RAB3B: variants seen among roughly 807,000 people sequenced by gnomAD.
RAB3B encodes the protein ras-related protein Rab-3B.
RAB3B carries 11 observed loss-of-function variants against 20.5 expected under a neutral mutation model. The observed-to-expected ratio is 0.54, with a 90% confidence interval of 0.34 to 0.89. RAB3B has a LOEUF of 0.89. Ranked by LOEUF, RAB3B falls within the 40% of genes least tolerant of loss-of-function variation. The pLI is 0.02. For synonymous variants in RAB3B, 99 were observed against 106.3 expected, an observed-to-expected ratio of 0.93 and a Z score of 0.42; for missense variants, 225 against 280.9, an observed-to-expected ratio of 0.80 and a Z score of 1.42.
chr1:51,989,253 TG>T (rs1171089072), intron 1 of RAB3B, among the ~76,000 whole-genome samples: 2 of 149,996 alleles, frequency 1.3e-5, no homozygotes, highest in African/African-American at 2.5e-5. Context: ...TGTGTGTGTG[TG>T]TGTTTTGAGG....
At chr1:51,921,926 TATA>T (rs1002436561) in intron 4 of RAB3B, among the ~76,000 whole-genome samples, 8 of 152,148 alleles carry the variant, frequency 5.3e-5, no homozygotes, top group African/African-American at 1.9e-4. Flanking sequence ...GCCCCCCAGG[TATA>T]AACAAGGCCT....
intron 3 of RAB3B, among the ~76,000 whole-genome samples, chr1:51,935,511 C>T (rs936493448): frequency 6.6e-6 from 1 of 152,222 alleles, no homozygotes; most frequent in Non-Finnish European, 1.5e-5. Context: ...TCCCATGCTA[C>T]TCTTTCTTTC....
chr1:51,949,895 T>G (rs544442608), intron 2 of RAB3B, among the ~76,000 whole-genome samples: 1 of 152,056 alleles, frequency 6.6e-6, no homozygotes, highest in African/African-American at 2.4e-5. Flanking sequence ...GGTCCTAAGC[T>G]CTTGTCCCAC....
chr1:51,929,515 T>C (rs916229617), intron 4 of RAB3B, among the ~76,000 whole-genome samples: 1 of 152,136 alleles, frequency 6.6e-6, no homozygotes, highest in South Asian at 2.1e-4. Flanking sequence ...GGTTTCACCA[T>C]GTTGACCAGG....
rs777397401 is a variant in RAB3B, at chr1:51,948,688, T to C, written c.229-11276A>G. ...TCAGAGCTCAGCTCAGCAAAGAAGCTGACCATCCTGGAAAAGTCACATGCT... is the reference window on the plus strand; with the variant it reads ...TCAGAGCTCAGCTCAGCAAAGAAGCCGACCATCCTGGAAAAGTCACATGCT... On this transcript the variant is annotated intron_variant, in intron 2 of 4. Transcript: ENST00000371655. Among the ~76,000 whole-genome samples the C allele has an allele frequency of 4.5e-4, 68 of 152,330 alleles. No individual in the cohort carries two copies. In the Middle Eastern group the frequency reaches 0.01, roughly 23 times the overall value.
At chr1:51,936,276 T>C (rs1312556483) in intron 3 of RAB3B, among the ~76,000 whole-genome samples, 1 of 152,290 alleles carries the variant, frequency 6.6e-6, no homozygotes, top group East Asian at 1.9e-4. Flanking sequence ...TCCCTTCTCC[T>C]GGGAATCGTG....
rs1344687389 is a variant in RAB3B, at chr1:51,912,552, A to T, written c.*7375T>A. 4 of 18,684 alleles carry T rather than the reference A, an allele frequency of 2.1e-4. No homozygotes were observed. Among genetic ancestry groups the T allele is most frequent in the Non-Finnish European group, 4.7e-4 (4 of 8,536 alleles). 1.2% of individuals were successfully genotyped at this position (18,684 alleles called of 1,614,324 possible). A position where few individuals can be genotyped will look rare whatever the true frequency, so the allele number is the denominator to read the frequency against. ...CAAGACCGTCTCTATTAAAAAAAAA[A>T]AAATATATATATATATATATATATA... On this transcript the variant is annotated 3_prime_UTR_variant, in exon 5 of 5. Coordinates refer to ENST00000371655, the MANE Select transcript of RAB3B (RefSeq NM_002867.4).
rs574369701 is a variant in RAB3B at position 51,956,829 on chromosome 1, G to A, written c.229-19417C>T. Among the ~76,000 whole-genome samples, 5 of 152,278 alleles carry A rather than the reference G, an allele frequency of 3.3e-5. No individual in the cohort carries two copies. In the South Asian group the frequency reaches 1.0e-3, roughly 32 times the overall value. Reference sequence around the variant, plus strand: ...TGCTAATTCTTACAACTTTCTGAGCGAGGTCCCATTTTCATACTTATTTTA... The same window carrying A: ...TGCTAATTCTTACAACTTTCTGAGCAAGGTCCCATTTTCATACTTATTTTA... On this transcript the variant is annotated intron_variant, in intron 2 of 4. Coordinates refer to ENST00000371655, the MANE Select transcript of RAB3B (RefSeq NM_002867.4).
intron 1 of RAB3B, among the ~76,000 whole-genome samples, chr1:51,987,988 C>T (rs938723219): frequency 6.6e-6 from 1 of 152,084 alleles, no homozygotes; most frequent in Non-Finnish European, 1.5e-5. Context: ...AGCGATCCTC[C>T]TACCTCAGCC....
intron 3 of RAB3B, among the ~76,000 whole-genome samples, chr1:51,933,978 T>C (rs893084246): frequency 1.3e-5 from 2 of 152,202 alleles, no homozygotes; most frequent in African/African-American, 4.8e-5. Flanking sequence ...AAGCCCTAGC[T>C]GCAAACCTCA....
rs759391603 is a variant in RAB3B at position 51,917,312 on chromosome 1, T to C, written c.*2615A>G. 2.0e-5 allele frequency: 3 copies of C among 151,604 alleles called. No homozygotes were observed. The highest frequency in any genetic ancestry group is 4.4e-5 in the Non-Finnish European group (3 of 67,892). 9.4% of individuals were successfully genotyped at this position (151,604 alleles called of 1,614,324 possible). Reference sequence around the variant, plus strand: ...GGTGGATCAACTGAAATGGTGAAGGTGAAAAAAAAGAGACACCGAGTTATT... The same window carrying C: ...GGTGGATCAACTGAAATGGTGAAGGCGAAAAAAAAGAGACACCGAGTTATT... On this transcript the variant is annotated 3_prime_UTR_variant, in exon 5 of 5. Coordinates refer to ENST00000371655, the MANE Select transcript of RAB3B (RefSeq NM_002867.4).
rs189385146 is a variant in RAB3B, at chr1:51,912,666, T to G, written c.*7261A>C. The G allele has an allele frequency of 4.1e-5, 6 of 145,564 alleles. No homozygotes were observed. In the East Asian group the frequency reaches 1.2e-3, roughly 29 times the overall value. 9.0% of individuals were successfully genotyped at this position (145,564 alleles called of 1,614,324 possible). A position where few individuals can be genotyped will look rare whatever the true frequency, so the allele number is the denominator to read the frequency against. On this transcript the variant is annotated 3_prime_UTR_variant, in exon 5 of 5. Transcript: ENST00000371655. ...AGTAATTACGTAAGTAGGGAAATGT[T>G]AGGAACTCTGTGGTAGCTCTCTAGG...
At chr1:51,931,668 G>A (rs535881711) in intron 4 of RAB3B, among the ~76,000 whole-genome samples, 8 of 152,114 alleles carry the variant, frequency 5.3e-5, no homozygotes, top group African/African-American at 1.4e-4. Context: ...AAGTAAATGA[G>A]TGCATCCAAC....
rs1432252321 is a variant in RAB3B at position 51,912,821 on chromosome 1, G to A, written c.*7106C>T. 6.6e-6 allele frequency: 1 copy of A among 151,836 alleles called. No homozygotes were observed. The highest frequency in any genetic ancestry group is 1.5e-5 in the Non-Finnish European group (1 of 67,964). The allele number at this position is 151,836 out of a possible 1,614,324, so 9.4% of individuals were successfully genotyped here. A position where few individuals can be genotyped will look rare whatever the true frequency, so the allele number is the denominator to read the frequency against. Reference sequence around the variant, plus strand: ...GATTAGACAAGGAGGCTGAGAAAAAGAGAAAAATCAAAGAATTAAGGATGA... The same window carrying A: ...GATTAGACAAGGAGGCTGAGAAAAAAAGAAAAATCAAAGAATTAAGGATGA... On this transcript the variant is annotated 3_prime_UTR_variant, in exon 5 of 5. Coordinates refer to ENST00000371655, the MANE Select transcript of RAB3B (RefSeq NM_002867.4).
intron 2 of RAB3B, among the ~76,000 whole-genome samples, chr1:51,965,181 T>C (rs74578170): frequency 0.017 from 2,507 of 149,626 alleles, 60 homozygotes; most frequent in East Asian, 0.082. Flanking sequence ...ATTGCGCCAC[T>C]GCACTTCCAA....
Position 51,987,642 on chromosome 1 carries a change from A to G in RAB3B, c.-1+2910T>C, listed in dbSNP as rs149722313. Among the ~76,000 whole-genome samples the G allele has an allele frequency of 1.8e-4, 27 of 152,308 alleles. 1 individual carries two copies. In the East Asian group the frequency reaches 5.2e-3, roughly 29 times the overall value. On this transcript the variant is annotated intron_variant, in intron 1 of 4. Coordinates refer to ENST00000371655, the MANE Select transcript of RAB3B (RefSeq NM_002867.4). ...GCAAGAAATGTTACATGATTAAGAC[A>G]GTTTCCTCATTCATAAAACAAGTGT...
chr1:51,975,208 T>C (rs1352680409), intron 2 of RAB3B, among the ~76,000 whole-genome samples: 1 of 152,122 alleles, frequency 6.6e-6, no homozygotes, highest in Admixed American at 6.5e-5. Flanking sequence ...AGTGAGACTC[T>C]GTCTCGAAAA....
At chr1:51,944,088 G>A (rs144197313) in intron 2 of RAB3B, among the ~76,000 whole-genome samples, 102 of 152,310 alleles carry the variant, frequency 6.7e-4, no homozygotes, top group African/African-American at 2.2e-3. Flanking sequence ...TGACTTTCTC[G>A]TTAGGGGTTA....
Position 51,916,739 on chromosome 1 carries a change from C to T in RAB3B, c.*3188G>A, listed in dbSNP as rs986084835. 6.6e-6 allele frequency: 1 copy of T among 152,220 alleles called. No homozygotes were observed. The highest frequency in any genetic ancestry group is 1.5e-5 in the Non-Finnish European group (1 of 68,030). The allele number at this position is 152,220 out of a possible 1,614,324, so 9.4% of individuals were successfully genotyped here. On this transcript the variant is annotated 3_prime_UTR_variant, in exon 5 of 5. Coordinates refer to ENST00000371655, the MANE Select transcript of RAB3B (RefSeq NM_002867.4). ...GCACTTGGGACTGGGAAGCACTGGG[C>T]ATTTTCTACCCAGGCCCATGGGATC...
Sources: gnomAD v4.1 joint callset for allele counts (sites outside exome capture counted in the v4.1 genomes callset) on GRCh38, gnomAD v4.1.1 for gene constraint, MANE v1.5 for transcripts, NCBI Gene and HGNC (gene_info 2026-07-23, HGNC 2026-07-21) for gene names.